The following SH3RF1 variants were observed in gnomAD, a reference collection of about 807,000 sequenced individuals.
SH3RF1 encodes SH3 domain containing ring finger 1.
In SH3RF1, 32 loss-of-function variants were observed where a neutral mutation model predicts 74.0. The observed-to-expected ratio is 0.43, with a 90% CI of 0.33 to 0.58. SH3RF1 has a LOEUF of 0.58. Ranked by LOEUF, SH3RF1 falls within the 20% of genes least tolerant of loss-of-function variation. SH3RF1 has a pLI of 0.05. For synonymous variants in SH3RF1, 396 were observed against 439.6 expected, an observed-to-expected ratio of 0.90 and a Z score of 1.24; for missense variants, 954 against 1,130.9, an observed-to-expected ratio of 0.84 and a Z score of 2.24.
At chr4:169,228,360 G>C (rs1381751839) in intron 2 of SH3RF1, among the ~76,000 whole-genome samples, 3 of 151,810 alleles carry the variant, frequency 2.0e-5, no homozygotes, top group African/African-American at 7.2e-5. Context: ...GTCTCTCTGA[G>C]CTAAAATCAA....
intron 2 of SH3RF1, among the ~76,000 whole-genome samples, chr4:169,192,836 G>T (rs1431469679): frequency 1.2e-4 from 18 of 146,458 alleles, no homozygotes; most frequent in South Asian, 6.4e-4. Flanking sequence ...ATATCATATA[G>T]ATGTGATATA....
chr4:169,159,011 G>A (rs1332606187), intron 2 of SH3RF1, among the ~76,000 whole-genome samples: 1 of 152,128 alleles, frequency 6.6e-6, no homozygotes, highest in East Asian at 1.9e-4. Context: ...GGAAGACAGG[G>A]GTTGAGCCTT....
At chr4:169,100,333 C>T (rs532652254) in intron 11 of SH3RF1, among the ~76,000 whole-genome samples, 2 of 152,158 alleles carry the variant, frequency 1.3e-5, no homozygotes, top group African/African-American at 4.8e-5. Context: ...CATTACCTTC[C>T]ACCTCGTCAA....
intron 2 of SH3RF1, among the ~76,000 whole-genome samples, chr4:169,248,804 C>T (rs1731049837): frequency 6.6e-6 from 1 of 152,206 alleles, no homozygotes; most frequent in Non-Finnish European, 1.5e-5. Flanking sequence ...TTGAAGTGCA[C>T]TGCTTACTTT....
intron 4 of SH3RF1, among the ~76,000 whole-genome samples, chr4:169,150,440 T>C (rs1733957364): frequency 6.6e-6 from 1 of 152,232 alleles, no homozygotes; most frequent in Non-Finnish European, 1.5e-5. Context: ...AATGGCTAAA[T>C]TGAGCTAATT....
rs545637055 is a variant in SH3RF1, at chr4:169,163,237, G to GAA, written c.394-6560_394-6559dup. ...AGTCAAGAGTATATTCAAACACCCA[G>GAA]AAAAAAAAAAAAATGAACAACAGTT... On this transcript the variant is annotated intron_variant, in intron 2 of 11. Coordinates refer to ENST00000284637, the MANE Select transcript of SH3RF1 (RefSeq NM_020870.4). Among the ~76,000 whole-genome samples the GAA allele has an allele frequency of 4.6e-5, 6 of 131,160 alleles. No individual in the cohort carries two copies. The Admixed American group carries it at 4.6e-4, about 10-fold the overall frequency. The allele number at this position is 131,160 out of a possible 152,430, so 86.0% of individuals were successfully genotyped here.
chr4:169,107,215 A>C lies in SH3RF1; in HGVS notation c.2140-10T>G, dbSNP rs200649803. 6.6e-7 allele frequency: 1 copy of C among 1,525,192 alleles called. No individual in the cohort carries two copies. Among genetic ancestry groups the C allele is most frequent in the Non-Finnish European group, 8.8e-7 (1 of 1,136,120 alleles). 94.5% of individuals were successfully genotyped at this position (1,525,192 alleles called of 1,614,324 possible). On this transcript the variant is annotated splice_polypyrimidine_tract_variant and intron_variant, in intron 10 of 11. Coordinates refer to ENST00000284637, the MANE Select transcript of SH3RF1 (RefSeq NM_020870.4). ...AACCCTTTTTTTCTTTCTGGAAAAAAAAAATAATGAGCCTTAGTTGGAGAA... is the reference window on the plus strand; with the variant it reads ...AACCCTTTTTTTCTTTCTGGAAAAACAAAATAATGAGCCTTAGTTGGAGAA...
chr4:169,230,726 G>A (rs761918531), intron 2 of SH3RF1, among the ~76,000 whole-genome samples: 2 of 151,906 alleles, frequency 1.3e-5, no homozygotes, highest in Non-Finnish European at 2.9e-5. Context: ...GGGCGTGGTG[G>A]CACACACCTG....
intron 2 of SH3RF1, among the ~76,000 whole-genome samples, chr4:169,227,859 CA>C (rs1162366163): frequency 6.6e-6 from 1 of 152,154 alleles, no homozygotes; most frequent in African/African-American, 2.4e-5. Flanking sequence ...GACACGAGAA[CA>C]GAGTTTATTG....
At position 169,202,169 on chromosome 4, in the gene SH3RF1, T is replaced by C. The variant is rs555808767; in HGVS notation, c.394-45490A>G. On this transcript the variant is annotated intron_variant, in intron 2 of 11. Coordinates refer to ENST00000284637, the MANE Select transcript of SH3RF1 (RefSeq NM_020870.4). ...TACTGAGTTGCAATGGAAGTACTTA[T>C]TCAGCAAATATTTATTAAGGGCCTA... is the stretch of plus-strand genomic sequence containing the variant. Among the ~76,000 whole-genome samples the C allele has an allele frequency of 1.0e-3, 154 of 152,332 alleles. 1 individual carries two copies. In the South Asian group the frequency reaches 0.018, roughly 18 times the overall value.
intron 2 of SH3RF1, among the ~76,000 whole-genome samples, chr4:169,198,467 C>A (rs1734857432): frequency 6.6e-6 from 1 of 152,062 alleles, no homozygotes; most frequent in Non-Finnish European, 1.5e-5. Context: ...CCACAAAATA[C>A]ATATACTTGT....
At chr4:169,167,776 C>T (rs1579116584) in intron 2 of SH3RF1, among the ~76,000 whole-genome samples, 2 of 152,000 alleles carry the variant, frequency 1.3e-5, no homozygotes, top group African/African-American at 2.4e-5. Context: ...TGTATCTTGA[C>T]GGAGGTGTTA....
intron 6 of SH3RF1, among the ~76,000 whole-genome samples, chr4:169,126,599 TG>T (rs1579095088): frequency 6.6e-6 from 1 of 152,124 alleles, no homozygotes; most frequent in East Asian, 1.9e-4. Flanking sequence ...TTTTTATTTT[TG>T]TTTTTTTTAG....
In SH3RF1 at chr4:169,254,337, A is replaced by C. The variant is rs1030323144; in HGVS notation, c.393+14483T>G. ...AGTTCCTTATAACTTGGTACAGGAG[A>C]CAACACTAAAGCACAATTAATTAGA... On this transcript the variant is annotated intron_variant, in intron 2 of 11. Coordinates refer to ENST00000284637, the MANE Select transcript of SH3RF1 (RefSeq NM_020870.4). Among the ~76,000 whole-genome samples the C allele has an allele frequency of 3.5e-4, 53 of 152,344 alleles. No homozygotes were observed. The Middle Eastern group carries it at 0.01, about 29-fold the overall frequency.
intron 2 of SH3RF1, among the ~76,000 whole-genome samples, chr4:169,267,782 G>A (rs188591399): frequency 2.0e-5 from 3 of 152,128 alleles, no homozygotes; most frequent in African/African-American, 4.8e-5. Context: ...ATCCCAATGG[G>A]CAGTTCCTGT....
chr4:169,127,597 CA>C (rs1284876800), intron 6 of SH3RF1, among the ~76,000 whole-genome samples: 22 of 152,332 alleles, frequency 1.4e-4, no homozygotes, highest in Admixed American at 2.6e-4. Flanking sequence ...ATTAGTTTTT[CA>C]TTAAATGAAA....
At chr4:169,104,217 G>C (rs1733093081) in intron 11 of SH3RF1, among the ~76,000 whole-genome samples, 1 of 152,118 alleles carries the variant, frequency 6.6e-6, no homozygotes, top group African/African-American at 2.4e-5. Context: ...TCACTCAAAA[G>C]AGTCACACAA....
intron 2 of SH3RF1, among the ~76,000 whole-genome samples, chr4:169,266,457 G>A (rs1731357902): frequency 6.6e-6 from 1 of 152,142 alleles, no homozygotes; most frequent in Non-Finnish European, 1.5e-5. Flanking sequence ...TATCCATGTG[G>A]CTTCATGTTA....
chr4:169,188,247 G>T (rs2126983012), intron 2 of SH3RF1, among the ~76,000 whole-genome samples: 1 of 152,278 alleles, frequency 6.6e-6, no homozygotes, highest in Admixed American at 6.5e-5. Context: ...TTGACCAAAA[G>T]GCATGATTGG....
Sources: allele counts gnomAD v4.1 joint callset (sites outside exome capture counted in the v4.1 genomes callset), GRCh38; gene constraint gnomAD v4.1.1; transcripts MANE v1.5; gene names NCBI Gene and HGNC (gene_info 2026-07-23, HGNC 2026-07-21).